The following SETD4 variants were observed in gnomAD, a reference collection of about 807,000 sequenced individuals.
SETD4 encodes the protein SET domain-containing protein 4.
A neutral mutation model predicts 58.3 loss-of-function variants in SETD4; 46 were observed. The ratio of observed to expected loss-of-function variants is 0.79; its 90% CI spans 0.62 to 1.01. SETD4 has a LOEUF of 1.01. Among genes scored for constraint, SETD4 ranks in the 50% least tolerant of loss-of-function variants. The pLI is 0.00. For missense variants in SETD4, 490 were observed against 523.3 expected (o/e 0.94, Z 0.62); for synonymous variants, 190 against 202.6 (o/e 0.94, Z 0.53).
At position 36,045,301 on chromosome 21, in the gene SETD4, G is replaced by T. The variant is rs1389272444; in HGVS notation, c.726+281C>A. On this transcript the variant is annotated intron_variant, in intron 6 of 11. Coordinates refer to ENST00000332131, the MANE Select transcript of SETD4 (RefSeq NM_017438.5). Reference sequence around the variant, plus strand: ...ACGAGGGAGAAGGAAGGAAGGCTCCGCACCACAGGCTGCTGGGAAAGACCG... The same window carrying T: ...ACGAGGGAGAAGGAAGGAAGGCTCCTCACCACAGGCTGCTGGGAAAGACCG... Among the ~76,000 whole-genome samples, 3 of 152,222 alleles carry T rather than the reference G, an allele frequency of 2.0e-5. No homozygotes were observed. In the South Asian group the frequency reaches 6.2e-4, roughly 32 times the overall value.
chr21:36,053,662 C>A, intron 3 of SETD4, 42 bp from the exon 4 acceptor site: 1 of 1,594,854 alleles, frequency 6.3e-7, no homozygotes, highest in Non-Finnish European at 8.6e-7. Flanking sequence ...CCTACCATAA[C>A]TTCAAGGTCC....
intron 5 of SETD4, among the ~76,000 whole-genome samples, chr21:36,046,269 T>C (rs944137388): frequency 2.5e-4 from 38 of 152,326 alleles, no homozygotes; most frequent in African/African-American, 8.9e-4. Flanking sequence ...CCAGGTTTGT[T>C]TGCAAGAGAT....
intron 3 of SETD4, among the ~76,000 whole-genome samples, chr21:36,056,522 C>G (rs560969987): frequency 2.0e-4 from 31 of 152,306 alleles, no homozygotes; most frequent in Non-Finnish European, 3.7e-4. Flanking sequence ...AGCTGCCCAA[C>G]TTCTGTGAGA....
intron 4 of SETD4, chr21:36,050,844 G>C: frequency 6.2e-7 from 1 of 1,611,182 alleles, no homozygotes; most frequent in South Asian, 1.1e-5. Flanking sequence ...CATTGTCGTG[G>C]GAGGCCATGT....
At position 36,045,591 on chromosome 21, in the gene SETD4, T is replaced by G. The variant is rs144764461; in HGVS notation, c.717A>C (p.Pro239=). ...CTTGTCAGCTTCTCACCTGGACATGTGGGCTATGATTCAGCAGGTCCAGGT... is the reference window on the plus strand; with the variant it reads ...CTTGTCAGCTTCTCACCTGGACATGGGGGCTATGATTCAGCAGGTCCAGGT... The part of the protein sequence containing the change: ...APYLDLLNHS[P]HVQVKAAFNE... Residue 239 remains proline (P), a synonymous_variant, in exon 6 of 12, where the codon CCA becomes CCC. Coordinates refer to ENST00000332131, the MANE Select transcript of SETD4 (RefSeq NM_017438.5). 3.7e-6 allele frequency: 6 copies of G among 1,612,842 alleles called. No individual in the cohort carries two copies. In the African/African-American group the frequency reaches 5.3e-5, roughly 14 times the overall value.
At chr21:36,051,709 T>C (rs1438576791) in intron 4 of SETD4, among the ~76,000 whole-genome samples, 1 of 152,166 alleles carries the variant, frequency 6.6e-6, no homozygotes. Context: ...TTTGTTTTTG[T>C]ACAAAAAAAA....
intron 4 of SETD4, among the ~76,000 whole-genome samples, chr21:36,049,723 G>C (rs1373421082): frequency 2.0e-5 from 3 of 152,182 alleles, no homozygotes; most frequent in African/African-American, 7.2e-5. Flanking sequence ...TCATCAAAAT[G>C]CAAACTGTAC....
Position 36,035,313 on chromosome 21 carries a change from C to T in SETD4, c.*680G>A, listed in dbSNP as rs949888301. The T allele has an allele frequency of 3.9e-5, 6 of 152,502 alleles. No individual in the cohort carries two copies. The highest frequency in any genetic ancestry group is 1.4e-4 in the African/African-American group (6 of 41,452). The allele number at this position is 152,502 out of a possible 1,614,324, so 9.4% of individuals were successfully genotyped here. On this transcript the variant is annotated 3_prime_UTR_variant, in exon 12 of 12. Coordinates refer to ENST00000332131, the MANE Select transcript of SETD4 (RefSeq NM_017438.5). Reference sequence around the variant, plus strand: ...ACCTACACTGAACCCCAGAATCAAGCAGACAGGCCCACCACGGCCCAGCTG... The same window carrying T: ...ACCTACACTGAACCCCAGAATCAAGTAGACAGGCCCACCACGGCCCAGCTG...
chr21:36,045,853 G>A lies in SETD4; in HGVS notation c.455C>T (p.Pro152Leu), dbSNP rs1284436815. The A allele has an allele frequency of 6.2e-7, 1 of 1,614,136 alleles. No homozygotes were observed. The highest frequency in any genetic ancestry group is 1.1e-5 in the South Asian group (1 of 91,080). ...CLEPEVVNLLPKSLKAKAEEQ... is the reference protein window; with the variant it reads ...CLEPEVVNLLLKSLKAKAEEQ... ...TTCAGCCTTTGCTTTTAAAGATTTGGGAAGAAGGTTCACCACTTCCGGCTC... is the reference window on the plus strand; with the variant it reads ...TTCAGCCTTTGCTTTTAAAGATTTGAGAAGAAGGTTCACCACTTCCGGCTC... Residue 152 changes from proline to leucine, a missense_variant, in exon 6 of 12, where the codon CCC (proline) becomes CTC (leucine). Pro to Leu is a moderately conservative substitution (Grantham distance 98). Transcript: ENST00000332131.
In SETD4 at chr21:36,053,586, C is replaced by A. The variant is rs1409373805; in HGVS notation, c.204G>T (p.Leu68=). 6.2e-7 allele frequency: 1 copy of A among 1,614,070 alleles called. No individual in the cohort carries two copies. Among genetic ancestry groups the A allele is most frequent in the Admixed American group, 1.7e-5 (1 of 60,018 alleles). ...AGGATCAAAGAACAGTTCTCACCTGCAGGGATGTTTGACTCATCAGCCCTC... is the reference window on the plus strand; with the variant it reads ...AGGATCAAAGAACAGTTCTCACCTGAAGGGATGTTTGACTCATCAGCCCTC... ...TGRGLMSQTS[L]QEGQMIISLP... Residue 68 remains leucine, a synonymous_variant, in exon 4 of 12, where the codon CTG becomes CTT. Transcript: ENST00000332131.
intron 4 of SETD4, chr21:36,050,705 T>A: frequency 6.2e-7 from 1 of 1,611,292 alleles, no homozygotes; most frequent in South Asian, 1.1e-5. Context: ...CGCGGGGTCA[T>A]AGAGGTAAAG....
rs908452571 is a variant in SETD4, at chr21:36,050,887, G to C, written c.208-2491C>G. 11 of 1,610,918 alleles carry C rather than the reference G, an allele frequency of 6.8e-6. No individual in the cohort carries two copies. The African/African-American group carries it at 1.5e-4, about 22-fold the overall frequency. Reference sequence around the variant, plus strand: ...ACCATGTTACATTGTTCAACAGATGGGAGAATGCAAAGCAACTGCTCATTA... The same window carrying C: ...ACCATGTTACATTGTTCAACAGATGCGAGAATGCAAAGCAACTGCTCATTA... On this transcript the variant is annotated intron_variant, in intron 4 of 11. Coordinates refer to ENST00000332131, the MANE Select transcript of SETD4 (RefSeq NM_017438.5).
chr21:36,050,707 G>C, intron 4 of SETD4: 2 of 1,611,504 alleles, frequency 1.2e-6, no homozygotes, highest in Admixed American at 1.7e-5. Flanking sequence ...CGGGGTCATA[G>C]AGGTAAAGCT....
Position 36,041,854 on chromosome 21 carries a change from T to C in SETD4, c.936A>G (p.Lys312=), listed in dbSNP as rs754179621. ...ILVKYLPSTD[K]QMDKKISILK... ...AAATAGAAATCTTTTTGTCCATCTG[T>C]TTATCTGTTGATGGAAGATATTTAA... The change falls in exon 8 of 12, where the codon AAA becomes AAG. Residue 312 remains lysine, a synonymous_variant. Transcript: ENST00000332131. 1.3e-6 allele frequency: 2 copies of C among 1,486,044 alleles called. No individual in the cohort carries two copies. The highest frequency in any genetic ancestry group is 2.5e-5 in the South Asian group (2 of 81,420). 92.1% of individuals were successfully genotyped at this position (1,486,044 alleles called of 1,614,324 possible).
intron 4 of SETD4, chr21:36,053,288 T>G: frequency 4.2e-6 from 2 of 471,106 alleles, no homozygotes; most frequent in Admixed American, 3.5e-5. Flanking sequence ...CTGGAAGGAG[T>G]TGGGGCCTCT....
At chr21:36,047,739 C>G (rs2064401850) in intron 5 of SETD4, among the ~76,000 whole-genome samples, 1 of 150,874 alleles carries the variant, frequency 6.6e-6, no homozygotes, top group African/African-American at 2.4e-5. Context: ...ACCTGTAATC[C>G]CAGCACTTTG....
chr21:36,043,849 T>C lies in SETD4; in HGVS notation c.834A>G (p.Gln278=). The C allele has an allele frequency of 1.2e-6, 2 of 1,614,214 alleles. No homozygotes were observed. The highest frequency in any genetic ancestry group is 2.2e-5 in the South Asian group (2 of 91,078). ...CAAATCCGTATTCCAGGAACAGCCGTTGATTATCGTGAGGGCCGTAACAGA... is the reference window on the plus strand; with the variant it reads ...CAAATCCGTATTCCAGGAACAGCCGCTGATTATCGTGAGGGCCGTAACAGA... ...VFICYGPHDN[Q]RLFLEYGFVS... is the part of the protein sequence containing the mutation. Residue 278 remains glutamine, a synonymous_variant, in exon 7 of 12, where the codon CAA becomes CAG. Coordinates refer to ENST00000332131, the MANE Select transcript of SETD4 (RefSeq NM_017438.5).
intron 5 of SETD4, among the ~76,000 whole-genome samples, chr21:36,046,363 T>C (rs184881212): frequency 1.3e-5 from 2 of 152,322 alleles, no homozygotes; most frequent in African/African-American, 4.8e-5. Flanking sequence ...GTCTCACCTA[T>C]GTAAAGATAT....
chr21:36,043,872 AGAT>A lies in SETD4; in HGVS notation c.808_810del (p.Ile270del), dbSNP rs1443835070. The A allele has an allele frequency of 3.7e-6, 6 of 1,614,236 alleles. No individual in the cohort carries two copies. The highest frequency in any genetic ancestry group is 5.1e-6 in the Non-Finnish European group (6 of 1,180,048). ...CGTTGATTATCGTGAGGGCCGTAAC[AGAT>A]GAATACCTCTTCATGCTTTCTCCAA... On this transcript the variant is annotated inframe_deletion, in exon 7 of 12. Transcript: ENST00000332131.
Sources: gnomAD v4.1 joint callset for allele counts (sites outside exome capture counted in the v4.1 genomes callset) on GRCh38, gnomAD v4.1.1 for gene constraint, MANE v1.5 for transcripts, NCBI Gene and HGNC (gene_info 2026-07-23, HGNC 2026-07-21) for gene names.